The following LDB3 variants were observed in gnomAD, a reference collection of about 807,000 sequenced individuals.
LDB3 encodes the protein LIM domain-binding protein 3.
A neutral mutation model predicts 69.0 loss-of-function variants in LDB3; 49 were observed. That is an observed-to-expected ratio of 0.71 (90% CI 0.56 to 0.90). The LOEUF (loss-of-function observed/expected upper bound fraction) is 0.90, where lower values mean the gene tolerates loss of function less well. LDB3 is among the 40% of genes least tolerant of loss of function. The pLI is 0.00. For missense variants in LDB3, 928 were observed against 974.1 expected (o/e 0.95, Z 0.63); for synonymous variants, 387 against 396.2 (o/e 0.98, Z 0.28).
At chr10:86,712,345 G>C (rs1052224479) in intron 9 of LDB3, among the ~76,000 whole-genome samples, 1 of 152,240 alleles carries the variant, frequency 6.6e-6, no homozygotes, top group Admixed American at 6.5e-5. Context: ...CGACTGCCAG[G>C]CAGGGGGAAT....
At chr10:86,713,402 C>T (rs1474898149) in intron 9 of LDB3, among the ~76,000 whole-genome samples, 2 of 152,150 alleles carry the variant, frequency 1.3e-5, no homozygotes, top group East Asian at 3.9e-4. Context: ...CGCCCACCAC[C>T]ATGCCCGGCT....
chr10:86,673,446 G>C (rs7894381), intron 2 of LDB3, among the ~76,000 whole-genome samples: 31,315 of 152,136 alleles, frequency 0.21, 3,713 homozygotes, highest in East Asian at 0.44. Context: ...GGTGCAGAAA[G>C]GAGACATGAC....
chr10:86,672,859 C>A (rs529340300), intron 2 of LDB3, among the ~76,000 whole-genome samples: 1 of 152,236 alleles, frequency 6.6e-6, no homozygotes, highest in Non-Finnish European at 1.5e-5. Flanking sequence ...CATAAGCAGC[C>A]CCAGGGCTCC....
In LDB3 at chr10:86,718,111, G is replaced by C; in HGVS notation, c.1824G>C (p.Pro608=). 1 of 1,614,160 alleles carries C rather than the reference G, an allele frequency of 6.2e-7. No homozygotes were observed. The highest frequency in any genetic ancestry group is 8.5e-7 in the Non-Finnish European group (1 of 1,180,034). ...GATGTTATGAGCAATTCTTTGCCCC[G>C]CTGTGTGCCAAGTGCAACACCAAAA... ...CERCYEQFFA[P]LCAKCNTKIM... Residue 608 remains proline, a synonymous_variant, in exon 11 of 14, where the codon CCG becomes CCC. Transcript: ENST00000361373.
intron 9 of LDB3, among the ~76,000 whole-genome samples, chr10:86,715,134 C>G (rs932366093): frequency 7.2e-5 from 11 of 152,082 alleles, no homozygotes; most frequent in Admixed American, 2.0e-4. Context: ...CTAAGGAAAA[C>G]CTTCCTCTCC....
chr10:86,729,968 G>A (rs1847397769), intron 13 of LDB3, among the ~76,000 whole-genome samples: 1 of 152,128 alleles, frequency 6.6e-6, no homozygotes, highest in African/African-American at 2.4e-5. Context: ...TTAGATCTTG[G>A]ATGTCCATCT....
rs953090840 is a variant in LDB3, at chr10:86,734,104, A to G, written c.*1128A>G. On this transcript the variant is annotated 3_prime_UTR_variant, in exon 14 of 14. Transcript: ENST00000361373. ...GACCTCCCACCTTCAGGTCTGCATC[A>G]TCCTTTTCAAATGTTCCTTTAAATG... The G allele has an allele frequency of 2.0e-5, 3 of 152,248 alleles. No homozygotes were observed. The highest frequency in any genetic ancestry group is 3.8e-4 in the East Asian group (2 of 5,202). 9.4% of individuals were successfully genotyped at this position (152,248 alleles called of 1,614,324 possible).
chr10:86,692,860 G>A (rs1475150843), intron 7 of LDB3, among the ~76,000 whole-genome samples: 1 of 152,206 alleles, frequency 6.6e-6, no homozygotes, highest in East Asian at 1.9e-4. Flanking sequence ...GCCTTTGCTG[G>A]GCTGTTGAGA....
rs367882377 is a variant in LDB3 at position 86,706,572 on chromosome 10, C to T, written c.938C>T (p.Thr313Ile). 5.6e-6 allele frequency: 9 copies of T among 1,613,032 alleles called. No homozygotes were observed. The highest frequency in any genetic ancestry group is 5.5e-5 in the South Asian group (5 of 91,078). ...EHAPVCTSQATTPLLPASAQP... is the reference protein window; with the variant it reads ...EHAPVCTSQAITPLLPASAQP... The stretch of plus-strand genomic sequence containing the variant: ...GCGCCGGTGTGCACCAGCCAGGCCA[C>T]CACCCCGCTGCTGCCCGCTTCTGCC... Residue 313 changes from threonine (T) to isoleucine (I), a missense_variant, in exon 8 of 14, where the codon ACC becomes ATC. By Grantham distance (89) the Thr-to-Ile change is moderately conservative. Transcript: ENST00000361373.
chr10:86,687,209 C>T, intron 5 of LDB3: 1 of 1,614,210 alleles, frequency 6.2e-7, no homozygotes, highest in Non-Finnish European at 8.5e-7. Context: ...AGCATGTATT[C>T]CCAGGATGCC....
At chr10:86,688,693 G>A (rs1845618685) in intron 5 of LDB3, among the ~76,000 whole-genome samples, 1 of 152,168 alleles carries the variant, frequency 6.6e-6, no homozygotes, top group African/African-American at 2.4e-5. Flanking sequence ...GAGCTAACAG[G>A]GATTTCCTGT....
intron 8 of LDB3, 126 bp from the exon 9 acceptor site, chr10:86,709,779 C>T (rs1846570095): frequency 2.9e-6 from 3 of 1,025,508 alleles, no homozygotes; most frequent in Non-Finnish European, 2.9e-6. Context: ...TCTGGCAGTT[C>T]CCCAGAAATG....
At chr10:86,682,510 G>A (rs539695166) in intron 5 of LDB3, among the ~76,000 whole-genome samples, 11 of 152,058 alleles carry the variant, frequency 7.2e-5, no homozygotes, top group Admixed American at 3.9e-4. Context: ...GGCACTGTAG[G>A]GGGGAGGCAA....
At position 86,681,497 on chromosome 10, in the gene LDB3, C is replaced by A; in HGVS notation, c.383C>A (p.Ala128Asp). 1 of 1,610,378 alleles carries A rather than the reference C, an allele frequency of 6.2e-7. No individual in the cohort carries two copies. The highest frequency in any genetic ancestry group is 8.5e-7 in the Non-Finnish European group (1 of 1,179,754). ...CCCAGCCCCAGCCCTGAGGCGAGGG[C>A]CAGCCCAGGCACCCCAGGCACCCCG... The part of the protein sequence containing the change: ...VAPSPSPEAR[A>D]SPGTPGTPEL... Residue 128 changes from alanine to aspartate, a missense_variant, in exon 5 of 14, where the codon GCC becomes GAC. Coordinates refer to ENST00000361373, the MANE Select transcript of LDB3 (RefSeq NM_007078.3).
intron 2 of LDB3, among the ~76,000 whole-genome samples, chr10:86,676,613 C>G (rs10887645): frequency 0.56 from 84,123 of 149,352 alleles, 24,259 homozygotes; most frequent in East Asian, 0.75. Context: ...GCACCACAGC[C>G]CCTAGGGCTG....
chr10:86,677,817 C>T (rs1362252373), intron 2 of LDB3, among the ~76,000 whole-genome samples: 1 of 152,208 alleles, frequency 6.6e-6, no homozygotes, highest in Non-Finnish European at 1.5e-5. Flanking sequence ...GGCTACCTCA[C>T]TCTCTCCACA....
rs1323521794 is a variant in LDB3 at position 86,725,987 on chromosome 10, G to C, written c.1979-150G>C. 4.5e-6 allele frequency: 3 copies of C among 673,466 alleles called. No homozygotes were observed. In the Admixed American group the frequency reaches 6.3e-5, roughly 14 times the overall value. The allele number at this position is 673,466 out of a possible 1,614,324, so 41.7% of individuals were successfully genotyped here. On this transcript the variant is annotated intron_variant, in intron 12 of 13. Coordinates refer to ENST00000361373, the MANE Select transcript of LDB3 (RefSeq NM_007078.3). ...ATGATTGGAAAATGGAAAACTATCA[G>C]TCATGTAACTGAGTATTTCATCTGT...
chr10:86,727,550 G>A (rs565537352), intron 13 of LDB3, among the ~76,000 whole-genome samples: 5 of 152,218 alleles, frequency 3.3e-5, no homozygotes, highest in Admixed American at 6.5e-5. Context: ...TCTGTGTGTC[G>A]GTTTGCTAGG....
intron 5 of LDB3, chr10:86,685,782 G>A: frequency 1.3e-6 from 2 of 1,499,000 alleles, no homozygotes; most frequent in Admixed American, 3.3e-5. Context: ...TGGATAGAGT[G>A]TGCCTGCTGG....
Sources: allele counts gnomAD v4.1 joint callset (sites outside exome capture counted in the v4.1 genomes callset), GRCh38; gene constraint gnomAD v4.1.1; transcripts MANE v1.5; gene names NCBI Gene and HGNC (gene_info 2026-07-23, HGNC 2026-07-21).